The following HYDIN variants were observed in gnomAD, a reference collection of about 807,000 sequenced individuals.
HYDIN encodes axonemal central pair apparatus protein HYDIN.
A neutral mutation model predicts 403.9 loss-of-function variants in HYDIN; 132 were observed. The observed-to-expected ratio is 0.33, with a 90% CI of 0.28 to 0.38. The LOEUF is 0.38. Ranked by LOEUF, HYDIN falls within the 10% of genes least tolerant of loss-of-function variation. HYDIN has a pLI of 1.00. For synonymous variants in HYDIN, 1,202 were observed against 1,891.7 expected (o/e 0.64, Z 9.46); for missense variants, 2,827 against 5,009.5 (o/e 0.56, Z 13.15).
intron 1 of HYDIN, among the ~76,000 whole-genome samples, chr16:71,187,935 A>T (rs550972277): frequency 2.3e-4 from 35 of 152,294 alleles, no homozygotes; most frequent in South Asian, 1.0e-3. Context: ...AAGAGAATAA[A>T]GTAATGGAAT....
intron 46 of HYDIN, among the ~76,000 whole-genome samples, chr16:70,919,421 T>G (rs2076931470): frequency 6.6e-6 from 1 of 151,856 alleles, no homozygotes; most frequent in Non-Finnish European, 1.5e-5. Flanking sequence ...CCCCCAGCAG[T>G]CCTTCCCGCC....
In HYDIN at chr16:71,209,314, T is replaced by C. The variant is rs575362359; in HGVS notation, c.-24+21248A>G. Among the ~76,000 whole-genome samples the C allele has an allele frequency of 1.6e-4, 25 of 151,618 alleles. 1 individual carries two copies. In the South Asian group the frequency reaches 5.0e-3, roughly 31 times the overall value. ...AAAACCACATGATTATCTCAATAGATGAAGAAAAGGCTTTCAGTAAAATTC... is the reference window on the plus strand; with the variant it reads ...AAAACCACATGATTATCTCAATAGACGAAGAAAAGGCTTTCAGTAAAATTC... On this transcript the variant is annotated intron_variant, in intron 1 of 85. Transcript: ENST00000393567.
chr16:71,157,861 G>A (rs1239979648), intron 6 of HYDIN, among the ~76,000 whole-genome samples: 1 of 144,384 alleles, frequency 6.9e-6, no homozygotes, highest in Non-Finnish European at 1.5e-5. Context: ...GAAGCAAAAG[G>A]AGAGGAGGAA....
intron 1 of HYDIN, among the ~76,000 whole-genome samples, chr16:71,223,199 A>G (rs2040877326): frequency 6.6e-6 from 1 of 152,244 alleles, no homozygotes; most frequent in African/African-American, 2.4e-5. Flanking sequence ...TATTTGACAA[A>G]GCATATAAAG....
chr16:70,898,877 G>A (rs1338064446), intron 53 of HYDIN, among the ~76,000 whole-genome samples: 3 of 151,428 alleles, frequency 2.0e-5, no homozygotes, highest in Non-Finnish European at 4.4e-5. Context: ...CCGAGTAGCT[G>A]GGGTTACAGG....
intron 8 of HYDIN, 41 bp from the exon 9 acceptor site, chr16:71,129,864 C>T (rs781704232): frequency 2.5e-6 from 4 of 1,573,144 alleles, no homozygotes; most frequent in Admixed American, 3.5e-5. Flanking sequence ...TGGGTACTCC[C>T]ATGAAGAACT....
intron 1 of HYDIN, chr16:71,203,949 C>A: frequency 2.8e-6 from 1 of 362,324 alleles, no homozygotes; most frequent in South Asian, 2.1e-5. Context: ...CCTTTAGTCC[C>A]GGCTACTTGG....
At chr16:70,966,149 CTCATCACAGT>C (rs2078566189) in intron 36 of HYDIN, among the ~76,000 whole-genome samples, 1 of 152,028 alleles carries the variant, frequency 6.6e-6, no homozygotes, top group Non-Finnish European at 1.5e-5. Flanking sequence ...CCATTGCCAT[CTCATCACAGT>C]TCATCTCCCT....
chr16:71,188,173 C>T (rs544555078), intron 1 of HYDIN, among the ~76,000 whole-genome samples: 1 of 151,912 alleles, frequency 6.6e-6, no homozygotes, highest in South Asian at 2.1e-4. Context: ...CTATCTTTTT[C>T]CCCCCGCCCT....
Position 70,837,835 on chromosome 16 carries a change from T to C in HYDIN, c.13097A>G (p.Asp4366Gly). The C allele has an allele frequency of 1.2e-6, 2 of 1,613,966 alleles. No homozygotes were observed. Among genetic ancestry groups the C allele is most frequent in the Non-Finnish European group, 1.7e-6 (2 of 1,179,854 alleles). ...CAATGTGTTTCCTGGCTTTACCACATCAACACGGGAGTTCACCTCGAGGTG... is the reference window on the plus strand; with the variant it reads ...CAATGTGTTTCCTGGCTTTACCACACCAACACGGGAGTTCACCTCGAGGTG... ...TTHLEVNSRV[D>G]VVKPGNTLEI... is the part of the protein sequence containing the mutation. Residue 4366 changes from aspartate (D) to glycine (G), a missense_variant, in exon 77 of 86, where the codon GAT (aspartate) becomes GGT (glycine). Coordinates refer to ENST00000393567, the MANE Select transcript of HYDIN (RefSeq NM_001270974.2).
chr16:70,960,278 T>C (rs1457734699), intron 38 of HYDIN, among the ~76,000 whole-genome samples: 1 of 151,592 alleles, frequency 6.6e-6, no homozygotes, highest in Non-Finnish European at 1.5e-5. Flanking sequence ...TCTGTCCTGC[T>C]GCTTGTTTTC....
intron 45 of HYDIN, among the ~76,000 whole-genome samples, chr16:70,933,086 C>T (rs2077395865): frequency 6.6e-6 from 1 of 151,508 alleles, no homozygotes; most frequent in Non-Finnish European, 1.5e-5. Context: ...CATCCTGTTT[C>T]CAGAACCAGA....
chr16:70,956,767 A>G (rs1295670681), intron 39 of HYDIN, among the ~76,000 whole-genome samples: 1 of 152,158 alleles, frequency 6.6e-6, no homozygotes, highest in Admixed American at 6.5e-5. Context: ...ATGCTCACCC[A>G]TTTTAGACTT....
At chr16:71,043,378 C>T (rs927888932) in intron 18 of HYDIN, among the ~76,000 whole-genome samples, 4 of 150,228 alleles carry the variant, frequency 2.7e-5, no homozygotes, top group Non-Finnish European at 5.9e-5. Context: ...GTAACTTTTT[C>T]ATCTGCATTT....
Position 70,805,070 on chromosome 16 carries a change from G to A in HYDIN, c.*2510C>T, listed in dbSNP as rs921727604. 1.3e-5 allele frequency among the ~76,000 whole-genome samples: 2 copies of A among 152,218 alleles called. No homozygotes were observed. Among genetic ancestry groups the A allele is most frequent in the South Asian group, 4.1e-4 (2 of 4,828 alleles). ...ACACCCTTTTGAAGAGTAGGGTGAG[G>A]GACCAATTGCTTCCCTTCTCCTAAC... On this transcript the variant is annotated 3_prime_UTR_variant, in exon 86 of 86. Transcript: ENST00000393567.
chr16:71,175,029 G>A (rs192379184), intron 5 of HYDIN, among the ~76,000 whole-genome samples: 3 of 151,626 alleles, frequency 2.0e-5, no homozygotes, highest in South Asian at 2.1e-4. Context: ...GACTACCACC[G>A]CCTATACCAC....
At chr16:71,004,314 CAAAAAAAA>C (rs11383182) in intron 23 of HYDIN, among the ~76,000 whole-genome samples, 3 of 88,210 alleles carry the variant, frequency 3.4e-5, no homozygotes, top group Admixed American at 1.1e-4. Context: ...AACTCCATTT[CAAAAAAAA>C]AAAAAAAAAA....
chr16:71,062,100 T>G (rs181223235), intron 17 of HYDIN, 69 bp downstream of exon 17: 1 of 1,121,812 alleles, frequency 8.9e-7, no homozygotes, highest in East Asian at 2.5e-5. Flanking sequence ...GGGCCTCAAA[T>G]GAGAAAGCTC....
At chr16:70,915,213 C>A (rs1318441914) in intron 47 of HYDIN, among the ~76,000 whole-genome samples, 1 of 152,070 alleles carries the variant, frequency 6.6e-6, no homozygotes, top group Non-Finnish European at 1.5e-5. Context: ...ACTAAAGGGC[C>A]TTGTTTTGTC....
Sources: gnomAD v4.1 joint callset for allele counts (sites outside exome capture counted in the v4.1 genomes callset) on GRCh38, gnomAD v4.1.1 for gene constraint, MANE v1.5 for transcripts, NCBI Gene and HGNC (gene_info 2026-07-23, HGNC 2026-07-21) for gene names.